Variants in ZPBP observed in about 807,000 individuals in gnomAD.
The protein encoded by ZPBP is zona pellucida binding protein.
Under a neutral mutation model 44.8 loss-of-function variants are expected in ZPBP, and 26 were observed. That is an observed-to-expected ratio of 0.58 (90% CI 0.43 to 0.81). The LOEUF (loss-of-function observed/expected upper bound fraction) is 0.81. ZPBP is among the 30% of genes least tolerant of loss of function. ZPBP has a pLI of 0.00. For missense variants in ZPBP, 409 were observed against 434.0 expected, an observed-to-expected ratio of 0.94 and a Z score of 0.51; for synonymous variants, 174 against 153.2, an observed-to-expected ratio of 1.14 and a Z score of -1.00.
the ZPBP span, among the ~76,000 whole-genome samples, chr7:49,843,458 G>A: frequency 1.3e-5 from 2 of 152,160 alleles, no homozygotes; most frequent in East Asian, 1.9e-4. Context: ...AAATGAAAGG[G>A]TCTACCATTA....
intron 4 of ZPBP, among the ~76,000 whole-genome samples, chr7:50,031,557 T>C (rs1284905778): frequency 6.6e-6 from 1 of 152,132 alleles, no homozygotes; most frequent in Non-Finnish European, 1.5e-5. Context: ...CTATCCATCA[T>C]AAAGAAATTG....
At chr7:50,053,344 T>A (rs1017310737) in intron 4 of ZPBP, among the ~76,000 whole-genome samples, 4 of 152,208 alleles carry the variant, frequency 2.6e-5, no homozygotes, top group Non-Finnish European at 4.4e-5. Flanking sequence ...GGACCTTAAA[T>A]TATTGAAAAC....
intron 3 of ZPBP, among the ~76,000 whole-genome samples, chr7:50,069,097 C>T (rs566941492): frequency 6.6e-6 from 1 of 152,294 alleles, no homozygotes; most frequent in Admixed American, 6.5e-5. Context: ...CTTTTTGAGC[C>T]TTTCACTTTA....
chr7:50,016,179 G>A (rs950053732), intron 6 of ZPBP, among the ~76,000 whole-genome samples: 3 of 152,154 alleles, frequency 2.0e-5, no homozygotes, highest in African/African-American at 7.2e-5. Flanking sequence ...ACCAATGGTA[G>A]ACAGGATAAA....
At chr7:49,878,274 G>T (rs1791527754) in intron 2 of ZPBP, among the ~76,000 whole-genome samples, 1 of 152,120 alleles carries the variant, frequency 6.6e-6, no homozygotes, top group Admixed American at 6.6e-5. Flanking sequence ...GTTTTCTGCA[G>T]ACAGCAGTCA....
intron 1 of ZPBP, chr7:49,919,614 T>C (rs1231355924): frequency 1.3e-5 from 2 of 152,180 alleles, no homozygotes; most frequent in African/African-American, 4.8e-5. Flanking sequence ...ATAAAAATAA[T>C]CTACCCATGT....
chr7:50,084,127 G>A (rs1411557337), intron 2 of ZPBP, among the ~76,000 whole-genome samples: 1 of 151,866 alleles, frequency 6.6e-6, no homozygotes, highest in Non-Finnish European at 1.5e-5. Flanking sequence ...ATGGGTAGAG[G>A]CAACTTAATC....
intron 2 of ZPBP, among the ~76,000 whole-genome samples, chr7:49,866,956 C>T (rs1417507771): frequency 6.6e-6 from 1 of 152,202 alleles, no homozygotes; most frequent in African/African-American, 2.4e-5. Context: ...AGAAGCCCAC[C>T]TGTGTCCTCT....
intron 7 of ZPBP, among the ~76,000 whole-genome samples, chr7:49,976,349 A>C (rs1796517860): frequency 1.3e-5 from 2 of 151,478 alleles, no homozygotes; most frequent in Admixed American, 1.3e-4. Flanking sequence ...ATTTGCCTAC[A>C]GCAATTCTCT....
chr7:49,962,803 CTAGAAGAA>C (rs2128765430), intron 7 of ZPBP, among the ~76,000 whole-genome samples: 1 of 151,836 alleles, frequency 6.6e-6, no homozygotes, highest in South Asian at 2.1e-4. Flanking sequence ...GTCAACATTT[CTAGAAGAA>C]AACAGAAAAA....
Position 50,031,260 on chromosome 7 carries a change from C to A in ZPBP, c.538G>T (p.Ala180Ser), listed in dbSNP as rs747822708. ...YYQFTARYHA[A>S]PCNSIYNISF... Reference sequence around the variant, plus strand: ...ATATTATAAATGCTATTGCAGGGAGCTGCATGATATCGAGCTGTGAACTGA... The same window carrying A: ...ATATTATAAATGCTATTGCAGGGAGATGCATGATATCGAGCTGTGAACTGA... The change falls in exon 5 of 8, where the codon GCT (alanine) becomes TCT (serine). Residue 180 changes from alanine to serine, a missense_variant. Coordinates refer to ENST00000046087, the MANE Select transcript of ZPBP (RefSeq NM_007009.3). 20 of 1,612,034 alleles carry A rather than the reference C, an allele frequency of 1.2e-5. No individual in the cohort carries two copies. The highest frequency in any genetic ancestry group is 1.7e-5 in the Non-Finnish European group (20 of 1,179,802).
At chr7:50,070,544 A>T (rs1468940777) in intron 3 of ZPBP, among the ~76,000 whole-genome samples, 1 of 152,214 alleles carries the variant, frequency 6.6e-6, no homozygotes, top group Non-Finnish European at 1.5e-5. Context: ...GGCAAAGGAG[A>T]CAGTAAATCT....
intron 7 of ZPBP, among the ~76,000 whole-genome samples, chr7:49,946,796 C>T (rs1204302745): frequency 1.3e-5 from 2 of 152,030 alleles, no homozygotes; most frequent in Non-Finnish European, 2.9e-5. Context: ...GTACCCCAAC[C>T]TCTCACTCTC....
intron 6 of ZPBP, among the ~76,000 whole-genome samples, chr7:49,991,551 C>A (rs766312584): frequency 3.3e-5 from 5 of 152,016 alleles, no homozygotes; most frequent in Admixed American, 6.6e-5. Flanking sequence ...AATCCTGAAG[C>A]AAAAAGCAAA....
In ZPBP at chr7:49,926,114, T is replaced by C. The variant is rs115338392; in HGVS notation, n.411+9637A>G. Reference sequence around the variant, plus strand: ...ATTCCATCTGCCTGTAGTTGTTGCATTACTATCTCTACCTTTCCTCCCATC... The same window carrying C: ...ATTCCATCTGCCTGTAGTTGTTGCACTACTATCTCTACCTTTCCTCCCATC... On this transcript the variant is annotated intron_variant and non_coding_transcript_variant, in intron 1 of 2. Coordinates refer to the ZPBP transcript ENST00000465922. 3.5e-3 allele frequency among the ~76,000 whole-genome samples: 534 copies of C among 152,314 alleles called. 2 individuals carry two copies. The highest frequency in any genetic ancestry group is 0.013 in the African/African-American group (528 of 41,558).
At chr7:49,894,140 T>C (rs923568512) in intron 2 of ZPBP, among the ~76,000 whole-genome samples, 1 of 145,990 alleles carries the variant, frequency 6.8e-6, no homozygotes, top group African/African-American at 2.6e-5. Context: ...CACCTATGTG[T>C]GTCGTTTCTA....
chr7:49,906,234 C>T (rs1263411285), intron 1 of ZPBP, among the ~76,000 whole-genome samples: 1 of 151,936 alleles, frequency 6.6e-6, no homozygotes, highest in Admixed American at 6.6e-5. Context: ...TGGATCAGGA[C>T]CCCTTTCTAG....
chr7:50,046,598 C>A (rs1230634234), intron 4 of ZPBP, among the ~76,000 whole-genome samples: 1 of 152,102 alleles, frequency 6.6e-6, no homozygotes, highest in East Asian at 1.9e-4. Flanking sequence ...CCGTAAGATA[C>A]CATCTCACAC....
chr7:49,854,876 T>C (rs537666555), intron 2 of ZPBP, among the ~76,000 whole-genome samples: 1 of 152,328 alleles, frequency 6.6e-6, no homozygotes, highest in South Asian at 2.1e-4. Flanking sequence ...ACCATATTTT[T>C]AGATTAGAAC....
Sources: gnomAD v4.1 joint callset for allele counts (sites outside exome capture counted in the v4.1 genomes callset) on GRCh38, gnomAD v4.1.1 for gene constraint, MANE v1.5 for transcripts, NCBI Gene and HGNC (gene_info 2026-07-23, HGNC 2026-07-21) for gene names.